Variants in STARD13 observed in about 807,000 individuals in gnomAD.
STARD13 encodes the protein StAR related lipid transfer domain containing 13.
Under a neutral mutation model 106.4 loss-of-function variants are expected in STARD13, and 62 were observed. The ratio of observed to expected loss-of-function variants is 0.58; its 90% CI spans 0.48 to 0.72. The LOEUF (loss-of-function observed/expected upper bound fraction) is 0.72. STARD13 is among the 30% of genes least tolerant of loss of function. The probability of loss-of-function intolerance (pLI) is 0.00; values close to 1 mark genes in which losing one functional copy is unlikely to be tolerated. For missense variants in STARD13, 1,387 were observed against 1,424.0 expected (o/e 0.97, Z 0.42); for synonymous variants, 565 against 553.0 (o/e 1.02, Z -0.31).
chr13:33,301,552 C>T (rs998636454), intron 1 of STARD13, among the ~76,000 whole-genome samples: 34 of 129,540 alleles, frequency 2.6e-4, no homozygotes, highest in African/African-American at 8.8e-4. Context: ...CCTTGAGTTT[C>T]TTTTTCTTTT....
the STARD13 span, among the ~76,000 whole-genome samples, chr13:33,637,291 G>A: frequency 6.6e-6 from 1 of 152,160 alleles, no homozygotes; most frequent in Non-Finnish European, 1.5e-5. Context: ...ACAAAGTCGG[G>A]TGGCCTGAAG....
At chr13:33,611,972 C>T in the STARD13 span, among the ~76,000 whole-genome samples, 38 of 152,226 alleles carry the variant, frequency 2.5e-4, no homozygotes, top group Admixed American at 7.2e-4. Flanking sequence ...GACAAAACCA[C>T]AAGTCTGGGA....
chr13:33,108,877 T>C (rs1282908197), intron 12 of STARD13, among the ~76,000 whole-genome samples: 1 of 152,178 alleles, frequency 6.6e-6, no homozygotes, highest in Admixed American at 6.5e-5. Flanking sequence ...CCTAATAACT[T>C]TGGTAATATG....
the STARD13 span, among the ~76,000 whole-genome samples, chr13:33,564,356 G>A: frequency 1.4e-5 from 2 of 146,338 alleles, no homozygotes; most frequent in African/African-American, 5.1e-5. Context: ...TGTTATCCCA[G>A]TTTAGATGGT....
At chr13:33,111,187 T>C (rs1352024577) in intron 10 of STARD13, among the ~76,000 whole-genome samples, 3 of 152,260 alleles carry the variant, frequency 2.0e-5, no homozygotes, top group African/African-American at 7.2e-5. Flanking sequence ...TACTGTCTTT[T>C]TATTCAGTTT....
chr13:33,367,153 G>C, the STARD13 span, among the ~76,000 whole-genome samples: 2 of 152,128 alleles, frequency 1.3e-5, no homozygotes, highest in African/African-American at 4.8e-5. Flanking sequence ...TCAAAAACAA[G>C]GGAAAAGCAT....
the STARD13 span, among the ~76,000 whole-genome samples, chr13:33,429,909 T>A: frequency 2.0e-5 from 3 of 147,786 alleles, no homozygotes; most frequent in Admixed American, 2.0e-4. Flanking sequence ...CAATAATAAC[T>A]TAATTGTACT....
chr13:33,620,799 A>G, the STARD13 span, among the ~76,000 whole-genome samples: 1 of 150,732 alleles, frequency 6.6e-6, no homozygotes, highest in African/African-American at 2.4e-5. Context: ...AAATATTTGT[A>G]TAGATAAAAT....
the STARD13 span, among the ~76,000 whole-genome samples, chr13:33,414,047 A>AG: frequency 1.4e-5 from 2 of 143,678 alleles, no homozygotes; most frequent in African/African-American, 5.6e-5. Context: ...AAAAAAAAAA[A>AG]AAAGAAAAGA....
At chr13:33,506,812 C>T in the STARD13 span, among the ~76,000 whole-genome samples, 3 of 152,130 alleles carry the variant, frequency 2.0e-5, no homozygotes, top group Admixed American at 6.6e-5. Flanking sequence ...TCTAAAAAGG[C>T]TATTAAAATA....
the STARD13 span, among the ~76,000 whole-genome samples, chr13:33,624,667 A>G: frequency 3.3e-5 from 5 of 152,252 alleles, no homozygotes; most frequent in African/African-American, 1.2e-4. Flanking sequence ...TAAGGCCAGT[A>G]CAATAGCTAT....
At chr13:33,142,526 T>C (rs1160532194) in intron 3 of STARD13, among the ~76,000 whole-genome samples, 153 bp from the exon 4 acceptor site, 1 of 152,236 alleles carries the variant, frequency 6.6e-6, no homozygotes, top group East Asian at 1.9e-4. Flanking sequence ...GTATGCTATA[T>C]AGTAGTTCCC....
rs188224438 is a variant in STARD13 at position 33,201,241 on chromosome 13, T to C, written c.170-33619A>G. On this transcript the variant is annotated intron_variant, in intron 1 of 13. Transcript: ENST00000336934. ...ATTATTAGTGGGGATGCACTTTAAG[T>C]ATTATTCCAAGAATTGGAAACAGAA... Among the ~76,000 whole-genome samples, 192 of 152,102 alleles carry C rather than the reference T, an allele frequency of 1.3e-3. 1 individual carries two copies. The highest frequency in any genetic ancestry group is 6.8e-3 in the Middle Eastern group (2 of 294).
At chr13:33,378,043 T>C in the STARD13 span, among the ~76,000 whole-genome samples, 1 of 152,164 alleles carries the variant, frequency 6.6e-6, no homozygotes, top group African/African-American at 2.4e-5. Context: ...TTAGTTACTA[T>C]TTGTCCAGTG....
intron 1 of STARD13, among the ~76,000 whole-genome samples, chr13:33,307,879 G>A (rs1437489611): frequency 6.6e-6 from 1 of 152,160 alleles, no homozygotes; most frequent in African/African-American, 2.4e-5. Context: ...ACCATGTGTT[G>A]TTCATTTATA....
chr13:33,284,567 A>G (rs1462924137), intron 1 of STARD13, among the ~76,000 whole-genome samples: 1 of 151,644 alleles, frequency 6.6e-6, no homozygotes, highest in Non-Finnish European at 1.5e-5. Flanking sequence ...GGCTCTAAAA[A>G]TTCCTGGTTA....
At chr13:33,316,723 C>A (rs1893354601) in intron 1 of STARD13, among the ~76,000 whole-genome samples, 2 of 152,174 alleles carry the variant, frequency 1.3e-5, no homozygotes, top group African/African-American at 4.8e-5. Flanking sequence ...TGAGCATGTA[C>A]TACAGCACCT....
chr13:33,564,225 AAAG>A, the STARD13 span, among the ~76,000 whole-genome samples: 5 of 145,108 alleles, frequency 3.4e-5, 1 homozygote, highest in Non-Finnish European at 6.0e-5. Context: ...AAAAAAAAAA[AAAG>A]AAAAGATCTG....
At chr13:33,256,298 G>C (rs1428430314) in intron 1 of STARD13, among the ~76,000 whole-genome samples, 1 of 152,184 alleles carries the variant, frequency 6.6e-6, no homozygotes, top group Non-Finnish European at 1.5e-5. Context: ...CGGCCTTCCT[G>C]AGAGGGCTCC....
Sources: allele counts gnomAD v4.1 joint callset (sites outside exome capture counted in the v4.1 genomes callset), GRCh38; gene constraint gnomAD v4.1.1; transcripts MANE v1.5; gene names NCBI Gene and HGNC (gene_info 2026-07-23, HGNC 2026-07-21).